FOXP1: variants seen among roughly 807,000 people sequenced by gnomAD.
FOXP1 encodes forkhead box protein P1.
A neutral mutation model predicts 98.2 loss-of-function variants in FOXP1; 15 were observed. The observed-to-expected ratio is 0.15, with a 90% CI of 0.10 to 0.24. The LOEUF is 0.24. Among genes scored for constraint, FOXP1 ranks in the 10% least tolerant of loss-of-function variants. FOXP1 has a pLI of 1.00. For synonymous variants in FOXP1, 371 were observed against 314.5 expected (o/e 1.18, Z -1.90); for missense variants, 633 against 848.5 (o/e 0.75, Z 3.15).
chr3:70,962,267 T>C (rs2033722057), intron 20 of FOXP1, among the ~76,000 whole-genome samples: 1 of 152,202 alleles, frequency 6.6e-6, no homozygotes, highest in Non-Finnish European at 1.5e-5. Context: ...ATCTTTCTCT[T>C]TCTCTTTTAC....
chr3:71,562,274 C>G (rs1335256698), intron 2 of FOXP1, among the ~76,000 whole-genome samples: 1 of 152,232 alleles, frequency 6.6e-6, no homozygotes, highest in Non-Finnish European at 1.5e-5. Context: ...TCTAGGCCTT[C>G]TGCCCTGTTC....
intron 6 of FOXP1, among the ~76,000 whole-genome samples, chr3:71,154,985 C>T (rs1034401169): frequency 6.6e-5 from 10 of 152,070 alleles, no homozygotes; most frequent in Non-Finnish European, 1.3e-4. Context: ...CATAATATTA[C>T]TGAAAAAATC....
intron 2 of FOXP1, among the ~76,000 whole-genome samples, chr3:71,541,116 T>C (rs2044772114): frequency 6.6e-6 from 1 of 152,214 alleles, no homozygotes; most frequent in Non-Finnish European, 1.5e-5. Flanking sequence ...TGCCCTAATT[T>C]ATAAGGCCAT....
chr3:71,302,834 C>T (rs911418340), intron 4 of FOXP1: 5 of 152,176 alleles, frequency 3.3e-5, no homozygotes, highest in African/African-American at 1.2e-4. Flanking sequence ...ATGTCCAGGA[C>T]ACCAAATTTC....
chr3:71,046,998 C>T lies in FOXP1; in HGVS notation c.608G>A (p.Gly203Asp), dbSNP rs770216660. 3 of 1,613,972 alleles carry T rather than the reference C, an allele frequency of 1.9e-6. No homozygotes were observed. Among genetic ancestry groups the T allele is most frequent in the Non-Finnish European group, 2.5e-6 (3 of 1,179,980 alleles). Residue 203 changes from glycine to aspartate, a missense_variant, in exon 10 of 21, where the codon GGC (glycine) becomes GAC (aspartate). Physicochemically the swap from Gly to Asp is moderately conservative, Grantham distance 94. Coordinates refer to ENST00000649528, the MANE Select transcript of FOXP1 (RefSeq NM_001349338.3). ...CTGCCCGGGCTGAATTGTCAGAAGG[C>T]CTTGGCGCTGCAAAGACAGGAGGTG... Reference protein sequence around the residue: ...QQHLLSLQRQGLLTIQPGQPA... With the variant: ...QQHLLSLQRQDLLTIQPGQPA...
intron 2 of FOXP1, among the ~76,000 whole-genome samples, chr3:71,520,486 C>T (rs1444424803): frequency 6.6e-6 from 1 of 152,110 alleles, no homozygotes; most frequent in Admixed American, 6.5e-5. Flanking sequence ...AGAAATAGTC[C>T]CCGTCTGTCA....
At chr3:71,124,802 GC>G (rs1559980396) in intron 6 of FOXP1, among the ~76,000 whole-genome samples, 2 of 152,150 alleles carry the variant, frequency 1.3e-5, no homozygotes, top group African/African-American at 2.4e-5. Context: ...ATAACACACT[GC>G]CCCCAGGCAT....
intron 7 of FOXP1, among the ~76,000 whole-genome samples, chr3:71,108,880 T>G (rs1251402813): frequency 1.3e-5 from 2 of 152,184 alleles, no homozygotes; most frequent in African/African-American, 4.8e-5. Flanking sequence ...TCTTCAACAG[T>G]TCTGTATCCC....
At chr3:71,511,843 A>G (rs1280602988) in intron 2 of FOXP1, among the ~76,000 whole-genome samples, 1 of 149,018 alleles carries the variant, frequency 6.7e-6, no homozygotes, top group Admixed American at 6.6e-5. Flanking sequence ...AAAGCCATGC[A>G]TGTATATATA....
intron 11 of FOXP1, among the ~76,000 whole-genome samples, chr3:71,023,685 T>A (rs1576243100): frequency 6.6e-6 from 1 of 152,228 alleles, no homozygotes; most frequent in South Asian, 2.1e-4. Context: ...AACCATATCA[T>A]GTACTTCTTA....
At chr3:71,307,853 C>T (rs1297900028) in intron 4 of FOXP1, among the ~76,000 whole-genome samples, 1 of 152,110 alleles carries the variant, frequency 6.6e-6, no homozygotes, top group Non-Finnish European at 1.5e-5. Flanking sequence ...ATATATTATA[C>T]AATTATAGGT....
At chr3:71,481,789 G>A (rs1158810645) in intron 3 of FOXP1, among the ~76,000 whole-genome samples, 2 of 151,874 alleles carry the variant, frequency 1.3e-5, no homozygotes, top group South Asian at 2.1e-4. Flanking sequence ...CTACTTCTTG[G>A]TGGGGCTTCC....
chr3:71,524,336 G>A (rs1351452603), intron 2 of FOXP1, among the ~76,000 whole-genome samples: 4 of 151,962 alleles, frequency 2.6e-5, no homozygotes, highest in African/African-American at 7.3e-5. Context: ...GCACTCCAAC[G>A]TGGGTGCCAT....
chr3:70,997,541 T>C (rs1346766832), intron 13 of FOXP1, among the ~76,000 whole-genome samples: 1 of 152,156 alleles, frequency 6.6e-6, no homozygotes, highest in Non-Finnish European at 1.5e-5. Flanking sequence ...ATACTAAAAA[T>C]TGCTAACATT....
chr3:70,970,602 T>C, intron 19 of FOXP1, 134 bp downstream of exon 19: 1 of 810,990 alleles, frequency 1.2e-6, no homozygotes, highest in Non-Finnish European at 2.2e-6. Context: ...GGGAGTATGA[T>C]GCTTTGTGCA....
At chr3:70,970,315 A>G (rs73838116) in intron 19 of FOXP1, 4,764 of 199,930 alleles carry the variant, frequency 0.024, 251 homozygotes, top group African/African-American at 0.11. Context: ...GTCGACTTTA[A>G]AAGAAGAAAA....
intron 5 of FOXP1, among the ~76,000 whole-genome samples, chr3:71,261,781 T>C (rs1278946504): frequency 6.6e-6 from 1 of 152,212 alleles, no homozygotes; most frequent in African/African-American, 2.4e-5. Flanking sequence ...TCTTTCATTG[T>C]GAATTACCTT....
intron 2 of FOXP1, among the ~76,000 whole-genome samples, chr3:71,499,022 G>C (rs1288912978): frequency 1.3e-5 from 2 of 152,126 alleles, no homozygotes; most frequent in East Asian, 3.8e-4. Context: ...GCTGTTTCCA[G>C]AACAAAATGC....
intron 12 of FOXP1, among the ~76,000 whole-genome samples, chr3:71,002,491 G>T (rs915380427): frequency 5.3e-5 from 8 of 152,132 alleles, no homozygotes; most frequent in Non-Finnish European, 1.2e-4. Flanking sequence ...AAGGAAGCCC[G>T]AGCTAAGCAG....
Sources: allele counts gnomAD v4.1 joint callset (sites outside exome capture counted in the v4.1 genomes callset), GRCh38; gene constraint gnomAD v4.1.1; transcripts MANE v1.5; gene names NCBI Gene and HGNC (gene_info 2026-07-23, HGNC 2026-07-21).